Variants in PDZD2 observed in about 807,000 individuals in gnomAD.
PDZD2 encodes the protein PDZ domain containing 2.
A neutral mutation model predicts 220.7 loss-of-function variants in PDZD2; 90 were observed. The observed-to-expected ratio is 0.41, with a 90% CI of 0.34 to 0.49. PDZD2 has a LOEUF of 0.49. Among genes scored for constraint, PDZD2 ranks in the 20% least tolerant of loss-of-function variants. PDZD2 has a pLI of 0.28. For missense variants in PDZD2, 3,174 were observed against 3,608.5 expected (o/e 0.88, Z 3.08); for synonymous variants, 1,375 against 1,450.5 (o/e 0.95, Z 1.18).
chr5:31,954,751 A>AC (rs1450848448), intron 2 of PDZD2, among the ~76,000 whole-genome samples: 1 of 151,890 alleles, frequency 6.6e-6, no homozygotes, highest in Non-Finnish European at 1.5e-5. Context: ...ACATGGTGAA[A>AC]CCCCGTCTCT....
At chr5:31,942,661 G>C (rs986002249) in intron 2 of PDZD2, among the ~76,000 whole-genome samples, 2 of 152,188 alleles carry the variant, frequency 1.3e-5, no homozygotes, top group African/African-American at 4.8e-5. Flanking sequence ...GTAAGACTGC[G>C]TCTCAGTTTG....
At chr5:31,763,587 G>A (rs1170152615) in intron 1 of PDZD2, among the ~76,000 whole-genome samples, 1 of 152,164 alleles carries the variant, frequency 6.6e-6, no homozygotes, top group Non-Finnish European at 1.5e-5. Context: ...GTGGAACATT[G>A]AGAAGAAGAG....
At chr5:31,945,741 TCCAGGTGCTTCCTGGGTCTCCTCCC>T (rs2111565743) in intron 2 of PDZD2, among the ~76,000 whole-genome samples, 1 of 152,188 alleles carries the variant, frequency 6.6e-6, no homozygotes, top group East Asian at 1.9e-4. Context: ...CTGGCTTGGA[TCCAGGTGCTTCCTGGGTCTCCTCCC>T]CCAGGAAGAG....
At chr5:31,695,066 G>A (rs1191245691) in intron 1 of PDZD2, among the ~76,000 whole-genome samples, 2 of 152,040 alleles carry the variant, frequency 1.3e-5, no homozygotes, top group African/African-American at 4.8e-5. Context: ...GGAGGTTGCA[G>A]TGAGCCGAGA....
At chr5:31,732,793 A>T (rs1244073025) in intron 1 of PDZD2, among the ~76,000 whole-genome samples, 1 of 152,082 alleles carries the variant, frequency 6.6e-6, no homozygotes, top group Non-Finnish European at 1.5e-5. Context: ...GAGTGGTATG[A>T]TCTCAGCTCA....
intron 1 of PDZD2, among the ~76,000 whole-genome samples, chr5:31,781,139 C>T (rs1435818392): frequency 2.0e-5 from 3 of 152,164 alleles, no homozygotes; most frequent in African/African-American, 7.2e-5. Flanking sequence ...TCAGGCTGAG[C>T]CCAGTGGCTC....
chr5:32,101,293 ATGTCTC>A, intron 24 of PDZD2, 54 bp downstream of exon 24: 1 of 1,484,784 alleles, frequency 6.7e-7, no homozygotes, highest in Non-Finnish European at 9.1e-7. Context: ...TTTTCCATGG[ATGTCTC>A]AATGAAAAAA....
chr5:31,640,196 G>A (rs1390163753), intron 1 of PDZD2, among the ~76,000 whole-genome samples: 1 of 152,130 alleles, frequency 6.6e-6, no homozygotes, highest in East Asian at 1.9e-4. Context: ...GCAGCAGGAG[G>A]GTCCAGGACC....
intron 6 of PDZD2, among the ~76,000 whole-genome samples, chr5:32,033,009 A>C (rs1755243081): frequency 6.6e-6 from 1 of 152,262 alleles, no homozygotes; most frequent in Admixed American, 6.5e-5. Flanking sequence ...ATGAGACTCC[A>C]TTAATATAAT....
intron 1 of PDZD2, among the ~76,000 whole-genome samples, chr5:31,665,533 A>G (rs944261520): frequency 2.0e-5 from 3 of 152,054 alleles, no homozygotes; most frequent in Admixed American, 6.6e-5. Context: ...CCAGGGAGGT[A>G]CCTGGGGGCA....
At chr5:32,073,757 A>C in intron 17 of PDZD2, 75 bp from the exon 18 acceptor site, 1 of 891,070 alleles carries the variant, frequency 1.1e-6, no homozygotes, top group Non-Finnish European at 1.8e-6. Context: ...ATGTGTAATG[A>C]TGGGGTCAGA....
At chr5:31,826,978 A>G (rs1756267280) in intron 2 of PDZD2, among the ~76,000 whole-genome samples, 1 of 152,134 alleles carries the variant, frequency 6.6e-6, no homozygotes, top group African/African-American at 2.4e-5. Flanking sequence ...ATTGCTACCC[A>G]TATGCCAAAT....
chr5:32,079,257 TC>T (rs1741661536), intron 19 of PDZD2, among the ~76,000 whole-genome samples: 4 of 87,624 alleles, frequency 4.6e-5, no homozygotes, highest in East Asian at 4.4e-4. Flanking sequence ...AGACTCTGTC[TC>T]AAAAAAAAAA....
intron 5 of PDZD2, among the ~76,000 whole-genome samples, chr5:32,003,329 C>CCCCCCCCACACA (rs1561317669): frequency 4.1e-5 from 1 of 24,644 alleles, no homozygotes; most frequent in Non-Finnish European, 1.0e-4. Flanking sequence ...ACACACACAC[C>CCCCCCCCACACA]CCCACCACAC....
intron 2 of PDZD2, among the ~76,000 whole-genome samples, chr5:31,833,635 CAAA>C (rs75394129): frequency 7.9e-6 from 1 of 126,344 alleles, no homozygotes. Context: ...GACCCTGTCT[CAAA>C]AAAAAAAAAA....
intron 4 of PDZD2, among the ~76,000 whole-genome samples, chr5:31,998,920 C>T (rs1222289677): frequency 1.3e-5 from 2 of 152,244 alleles, no homozygotes; most frequent in African/African-American, 2.4e-5. Flanking sequence ...CACATTCAGC[C>T]ATGTCTGGCT....
Position 31,883,934 on chromosome 5 carries a change from C to T in PDZD2, c.476+84210C>T, listed in dbSNP as rs112986065. 5.4e-3 allele frequency among the ~76,000 whole-genome samples: 823 copies of T among 152,242 alleles called. 8 individuals are homozygous for T. Among genetic ancestry groups the T allele is most frequent in the African/African-American group, 0.019 (789 of 41,548 alleles). On this transcript the variant is annotated intron_variant, in intron 2 of 24. Coordinates refer to ENST00000438447, the MANE Select transcript of PDZD2 (RefSeq NM_178140.4). ...TATAATTTAAATCCTGTGTTAAGGCCGGGCGCGGTGGCTCCCGCATGTTAT... is the reference window on the plus strand; with the variant it reads ...TATAATTTAAATCCTGTGTTAAGGCTGGGCGCGGTGGCTCCCGCATGTTAT...
chr5:32,056,618 C>T (rs534022646), intron 10 of PDZD2, among the ~76,000 whole-genome samples: 8 of 152,192 alleles, frequency 5.3e-5, no homozygotes, highest in African/African-American at 1.4e-4. Flanking sequence ...GCTTGAAAAA[C>T]GACCTGACTG....
intron 1 of PDZD2, among the ~76,000 whole-genome samples, chr5:31,678,591 T>TG (rs1183064844): frequency 6.6e-6 from 1 of 152,150 alleles, no homozygotes; most frequent in Non-Finnish European, 1.5e-5. Flanking sequence ...CCCTACAGCC[T>TG]GGGTGTTTTC....
Sources: gnomAD v4.1 joint callset for allele counts (sites outside exome capture counted in the v4.1 genomes callset) on GRCh38, gnomAD v4.1.1 for gene constraint, MANE v1.5 for transcripts, NCBI Gene and HGNC (gene_info 2026-07-23, HGNC 2026-07-21) for gene names.